Variants in PIP4P2 observed in about 807,000 individuals in gnomAD.
PIP4P2 encodes phosphatidylinositol-4,5-bisphosphate 4-phosphatase 2.
A neutral mutation model predicts 33.3 loss-of-function variants in PIP4P2; 19 were observed. The observed-to-expected ratio is 0.57, with a 90% CI of 0.40 to 0.84. PIP4P2 has a LOEUF of 0.84. Among genes scored for constraint, PIP4P2 ranks in the 40% least tolerant of loss-of-function variants. The pLI, the probability that PIP4P2 is intolerant of heterozygous loss-of-function variation, is 0.00. For missense variants in PIP4P2, 270 were observed against 324.7 expected (o/e 0.83, Z 1.29); for synonymous variants, 110 against 111.9 (o/e 0.98, Z 0.11).
intron 5 of PIP4P2, among the ~76,000 whole-genome samples, chr8:91,006,465 T>A (rs1811764868): frequency 6.6e-6 from 1 of 152,226 alleles, no homozygotes; most frequent in Admixed American, 6.5e-5. Flanking sequence ...CAATACTTCC[T>A]TATTAGTAGT....
chr8:91,025,761 A>T (rs772494436), intron 1 of PIP4P2, among the ~76,000 whole-genome samples: 18 of 152,132 alleles, frequency 1.2e-4, no homozygotes, highest in Non-Finnish European at 2.1e-4. Context: ...TTCTCCTCTA[A>T]TTTTCATTGC....
At chr8:91,003,149 A>C (rs1811721873) in intron 5 of PIP4P2, among the ~76,000 whole-genome samples, 1 of 152,220 alleles carries the variant, frequency 6.6e-6, no homozygotes, top group Admixed American at 6.6e-5. Context: ...TACAACTTGC[A>C]CAACTGTATG....
chr8:91,006,920 G>C lies in PIP4P2; in HGVS notation c.539+1823C>G, dbSNP rs533021537. On this transcript the variant is annotated intron_variant, in intron 5 of 6. Transcript: ENST00000285419. The stretch of plus-strand genomic sequence containing the variant: ...GGAGGTGGAGGTTGCAGTAAGCTGA[G>C]ATCGTGCCAGTGCATTCCAGCCTGG... Among the ~76,000 whole-genome samples the C allele has an allele frequency of 2.0e-5, 3 of 152,328 alleles. 1 individual carries two copies. In the South Asian group the frequency reaches 6.2e-4, roughly 32 times the overall value.
intron 5 of PIP4P2, among the ~76,000 whole-genome samples, chr8:91,000,153 A>G (rs12375268): frequency 6.6e-6 from 1 of 152,042 alleles, no homozygotes; most frequent in Non-Finnish European, 1.5e-5. Context: ...TAAAGATTTT[A>G]GAAAGTTTTA....
chr8:91,026,272 C>A (rs1368282572), intron 1 of PIP4P2, among the ~76,000 whole-genome samples: 5 of 152,142 alleles, frequency 3.3e-5, no homozygotes, highest in Non-Finnish European at 5.9e-5. Flanking sequence ...AGTATTACTT[C>A]ACCCTGGCAG....
chr8:91,018,142 T>C (rs1485022552), intron 4 of PIP4P2, among the ~76,000 whole-genome samples: 12 of 152,190 alleles, frequency 7.9e-5, no homozygotes, highest in Admixed American at 7.9e-4. Context: ...CTGGGCACGA[T>C]TTCTCATTGG....
At chr8:90,999,016 A>G (rs182766854) in intron 5 of PIP4P2, among the ~76,000 whole-genome samples, 189 of 152,112 alleles carry the variant, frequency 1.2e-3, no homozygotes, top group African/African-American at 4.2e-3. Flanking sequence ...AATTTTGCAA[A>G]CTATGCATCT....
At chr8:91,001,953 A>C (rs777834469) in intron 5 of PIP4P2, among the ~76,000 whole-genome samples, 8 of 152,168 alleles carry the variant, frequency 5.3e-5, no homozygotes, top group Non-Finnish European at 8.8e-5. Context: ...CCTAGATCGC[A>C]TAAGTGATAT....
chr8:91,025,200 T>C (rs566315691), intron 1 of PIP4P2, among the ~76,000 whole-genome samples: 1 of 151,792 alleles, frequency 6.6e-6, no homozygotes, highest in South Asian at 2.1e-4. Context: ...TGGGGGGGAA[T>C]TAGAATATAT....
At chr8:91,038,441 G>A (rs745751895) in intron 1 of PIP4P2, among the ~76,000 whole-genome samples, 15 of 152,050 alleles carry the variant, frequency 9.9e-5, no homozygotes, top group Admixed American at 2.0e-4. Flanking sequence ...CAACCCTAAC[G>A]GTTTTCAACT....
rs542939824 is a variant in PIP4P2, at chr8:90,998,615, G to A, written c.540-1871C>T. On this transcript the variant is annotated intron_variant, in intron 5 of 6. Transcript: ENST00000285419. ...GAAATAAGGCCACACACTTACAAAC[G>A]TACAACTATCTGATCTTCAACAAAC... is the stretch of plus-strand genomic sequence containing the variant. Among the ~76,000 whole-genome samples, 6 of 151,784 alleles carry A rather than the reference G, an allele frequency of 4.0e-5. No homozygotes were observed. The South Asian group carries it at 8.3e-4, about 21-fold the overall frequency.
intron 3 of PIP4P2, 184 bp from the exon 4 acceptor site, chr8:91,018,697 G>T: frequency 1.4e-6 from 1 of 716,024 alleles, no homozygotes; most frequent in Non-Finnish European, 2.2e-6. Context: ...CAAAATATGA[G>T]TCTGTACTTG....
At chr8:91,034,182 T>C (rs775392867) in intron 1 of PIP4P2, among the ~76,000 whole-genome samples, 3 of 152,188 alleles carry the variant, frequency 2.0e-5, no homozygotes, top group Non-Finnish European at 2.9e-5. Flanking sequence ...GCTTACTGTA[T>C]GTATCTCTCA....
At chr8:91,032,084 G>C (rs1257685146) in intron 1 of PIP4P2, among the ~76,000 whole-genome samples, 10 of 152,176 alleles carry the variant, frequency 6.6e-5, no homozygotes, top group African/African-American at 2.2e-4. Flanking sequence ...AGGCCAAACA[G>C]GTAGTAACTG....
rs758753436 is a variant in PIP4P2, at chr8:91,008,809, A to G, written c.487-14T>C. The G allele has an allele frequency of 1.9e-6, 3 of 1,585,298 alleles. No individual in the cohort carries two copies. In the South Asian group the frequency reaches 3.4e-5, roughly 18 times the overall value. On this transcript the variant is annotated splice_polypyrimidine_tract_variant and intron_variant, in intron 4 of 6. Transcript: ENST00000285419. ...CAGTTCCATCCACTGTAAAATAAAC[A>G]AAGAGAGGAATTGAAAAGAAAACAA... is the stretch of plus-strand genomic sequence containing the variant.
intron 4 of PIP4P2, among the ~76,000 whole-genome samples, chr8:91,014,173 T>G (rs1246649337): frequency 6.6e-6 from 1 of 152,146 alleles, no homozygotes; most frequent in Admixed American, 6.6e-5. Flanking sequence ...TGTTGAAACT[T>G]AACTACCTAC....
intron 1 of PIP4P2, among the ~76,000 whole-genome samples, chr8:91,023,495 A>G (rs1219902338): frequency 6.6e-6 from 1 of 152,100 alleles, no homozygotes; most frequent in Non-Finnish European, 1.5e-5. Context: ...AACAATCATT[A>G]AAAGGGCATT....
intron 4 of PIP4P2, among the ~76,000 whole-genome samples, chr8:91,015,423 T>C (rs778144798): frequency 1.3e-5 from 2 of 152,044 alleles, no homozygotes; most frequent in Non-Finnish European, 2.9e-5. Flanking sequence ...ATCAGTGACT[T>C]GCTCTCAAAT....
At chr8:91,022,589 A>C (rs928303683) in intron 1 of PIP4P2, among the ~76,000 whole-genome samples, 2 of 152,144 alleles carry the variant, frequency 1.3e-5, no homozygotes. Context: ...AGGCTTCTGT[A>C]ACACTATAAA....
Sources: gnomAD v4.1 joint callset for allele counts (sites outside exome capture counted in the v4.1 genomes callset) on GRCh38, gnomAD v4.1.1 for gene constraint, MANE v1.5 for transcripts, NCBI Gene and HGNC (gene_info 2026-07-23, HGNC 2026-07-21) for gene names.